The following USP42 variants were observed in gnomAD, a reference collection of about 807,000 sequenced individuals.
USP42 encodes the protein ubiquitin carboxyl-terminal hydrolase 42.
USP42 carries 23 observed loss-of-function variants against 113.0 expected under a neutral mutation model. The ratio of observed to expected loss-of-function variants is 0.20; its 90% CI spans 0.15 to 0.29. The LOEUF (loss-of-function observed/expected upper bound fraction) is 0.29. USP42 is among the 10% of genes least tolerant of loss of function. USP42 has a pLI of 1.00. For synonymous variants in USP42, 933 were observed against 699.0 expected (o/e 1.33, Z -5.28); for missense variants, 2,174 against 1,779.8 (o/e 1.22, Z -3.99).
chr7:6,107,676 T>G (rs1457300228), intron 1 of USP42, among the ~76,000 whole-genome samples: 1 of 152,184 alleles, frequency 6.6e-6, no homozygotes, highest in African/African-American at 2.4e-5. Flanking sequence ...CCCAAAGTGC[T>G]GGGATTACAG....
In USP42 at chr7:6,158,836, T is replaced by C. The variant is rs1782609860; in HGVS notation, c.3944-614T>C. 6.6e-6 allele frequency among the ~76,000 whole-genome samples: 1 copy of C among 152,080 alleles called. No individual in the cohort carries two copies. Among genetic ancestry groups the C allele is most frequent in the African/African-American group, 2.4e-5 (1 of 41,410 alleles). ...GCTCCCAGGATCATGGGCTTCCAGC[T>C]GGGGCTACTGGGAGACAGTGATGGC... On this transcript the variant is annotated intron_variant, in intron 16 of 17. Coordinates refer to ENST00000306177, the MANE Select transcript of USP42 (RefSeq NM_032172.3). This position sits in a 1 kb window ranked among gnomAD's most constrained non-coding sequence, Gnocchi z 4.2.
In USP42 at chr7:6,115,542, G is replaced by A; in HGVS notation, c.442+19G>A. The A allele has an allele frequency of 6.2e-7, 1 of 1,613,504 alleles. No individual in the cohort carries two copies. Among genetic ancestry groups the A allele is most frequent in the Middle Eastern group, 1.7e-4 (1 of 6,060 alleles). On this transcript the variant is annotated intron_variant, in intron 3 of 17. Transcript: ENST00000306177. ...AAAACATGTAAGTGTTCCGTGTTGTGTTTGTAGTATTGTAGTGCGCTAACC... is the reference window on the plus strand; with the variant it reads ...AAAACATGTAAGTGTTCCGTGTTGTATTTGTAGTATTGTAGTGCGCTAACC...
chr7:6,098,423 C>G, the USP42 span, among the ~76,000 whole-genome samples: 3 of 150,224 alleles, frequency 2.0e-5, no homozygotes, highest in African/African-American at 4.9e-5. Context: ...TGTGTATTAG[C>G]CTGGTCTTGC....
At chr7:6,129,204 G>A (rs983718922) in intron 3 of USP42, among the ~76,000 whole-genome samples, 6 of 152,136 alleles carry the variant, frequency 3.9e-5, no homozygotes, top group Admixed American at 6.6e-5. Flanking sequence ...TTTGAGGGAC[G>A]TATAGAAACA....
chr7:6,148,616 G>C (rs990857124), intron 12 of USP42, among the ~76,000 whole-genome samples: 3 of 152,176 alleles, frequency 2.0e-5, no homozygotes, highest in Middle Eastern at 3.2e-3. Flanking sequence ...ACTCCCTGTT[G>C]GTCCTGTCGG....
intron 3 of USP42, among the ~76,000 whole-genome samples, chr7:6,117,104 A>G (rs76585351): frequency 0.021 from 3,130 of 152,138 alleles, 107 homozygotes; most frequent in African/African-American, 0.071. Context: ...TGACATTTGT[A>G]TACACCCGTG....
intron 3 of USP42, among the ~76,000 whole-genome samples, chr7:6,121,877 T>G (rs1351599152): frequency 6.6e-6 from 1 of 152,126 alleles, no homozygotes; most frequent in Non-Finnish European, 1.5e-5. Flanking sequence ...CCCAGGGTAG[T>G]CTTGAACTCC....
chr7:6,099,148 C>A, the USP42 span, among the ~76,000 whole-genome samples: 1 of 148,740 alleles, frequency 6.7e-6, no homozygotes, highest in South Asian at 2.1e-4. Context: ...TGAGGAGGCT[C>A]TGCTCTCTGG....
chr7:6,116,980 T>TCCTC lies in USP42; in HGVS notation c.442+1469_442+1472dup, dbSNP rs979384454. 9.1e-6 allele frequency: 4 copies of TCCTC among 440,620 alleles called. No individual in the cohort carries two copies. In the East Asian group the frequency reaches 1.9e-4, roughly 21 times the overall value. The allele number at this position is 440,620 out of a possible 1,614,324, so 27.3% of individuals were successfully genotyped here. A position where few individuals can be genotyped will look rare whatever the true frequency, so the allele number is the denominator to read the frequency against. ...GCTACTGGTAGTTTTTGTGCTTGCT[T>TCCTC]CCTCCCTCCCTCCCTTCCTCCCTCT... On this transcript the variant is annotated intron_variant, in intron 3 of 17. Coordinates refer to ENST00000306177, the MANE Select transcript of USP42 (RefSeq NM_032172.3).
chr7:6,103,738 C>CAAAAAAAA (rs398066574), upstream of USP42, among the ~76,000 whole-genome samples: 1 of 100,916 alleles, frequency 9.9e-6, no homozygotes, highest in Non-Finnish European at 1.8e-5. Flanking sequence ...CCCGTCTCTA[C>CAAAAAAAA]AAAAAAAAAA....
intron 7 of USP42, among the ~76,000 whole-genome samples, chr7:6,141,564 A>AT (rs34431829): frequency 0.072 from 10,173 of 141,228 alleles, 793 homozygotes; most frequent in East Asian, 0.46. Context: ...GGTTATTATT[A>AT]TTTTTTTTTT....
At chr7:6,105,783 A>T (rs1447919379) in intron 1 of USP42, among the ~76,000 whole-genome samples, 2 of 152,188 alleles carry the variant, frequency 1.3e-5, no homozygotes, top group African/African-American at 4.8e-5. Context: ...AGATGTTGGA[A>T]ATGAAAATTG....
At chr7:6,089,860 T>G in the USP42 span, among the ~76,000 whole-genome samples, 2 of 150,550 alleles carry the variant, frequency 1.3e-5, no homozygotes, top group Non-Finnish European at 2.9e-5. Context: ...TACTCATCCC[T>G]CAAGTGTCTG....
At position 6,154,728 on chromosome 7, in the gene USP42, G is replaced by C. The variant is rs780390047; in HGVS notation, c.3174G>C (p.Arg1058Ser). The change falls in exon 15 of 18, where the codon AGG (arginine) becomes AGC (serine). Residue 1058 changes from arginine (R) to serine (S), a missense_variant. Coordinates refer to ENST00000306177, the MANE Select transcript of USP42 (RefSeq NM_032172.3). ...KFYPDRPRWD[R>S]CRYYHDRYAL... ...ACCCCGACAGGCCGCGCTGGGACAG[G>C]TGCCGGTACTACCATGACAGGTACG... 1.9e-6 allele frequency: 3 copies of C among 1,586,488 alleles called. No individual in the cohort carries two copies. The highest frequency in any genetic ancestry group is 2.6e-6 in the Non-Finnish European group (3 of 1,168,046).
At chr7:6,149,292 G>A (rs1288996063) in intron 12 of USP42, among the ~76,000 whole-genome samples, 1 of 152,206 alleles carries the variant, frequency 6.6e-6, no homozygotes, top group Non-Finnish European at 1.5e-5. Context: ...CATGCCACAG[G>A]TCCTGCTGAT....
intron 15 of USP42, among the ~76,000 whole-genome samples, chr7:6,156,550 A>G (rs894627820): frequency 3.3e-5 from 5 of 152,146 alleles, no homozygotes; most frequent in African/African-American, 9.7e-5. Context: ...CCTGGGCTCA[A>G]GTGATCCTCC....
At position 6,157,285 on chromosome 7, in the gene USP42, G is replaced by C; in HGVS notation, c.3943+230G>C. On this transcript the variant is annotated intron_variant, in intron 16 of 17. Transcript: ENST00000306177. This position sits in a 1 kb window ranked among gnomAD's most constrained non-coding sequence, Gnocchi z 4.1. ...GAAGGCCTAAGTGACACAGGACTGA[G>C]GGCAGCACTACCTGTGTCACCAAAG... 2 of 1,249,930 alleles carry C rather than the reference G, an allele frequency of 1.6e-6. No individual in the cohort carries two copies. Among genetic ancestry groups the C allele is most frequent in the Non-Finnish European group, 2.0e-6 (2 of 997,758 alleles). The allele number at this position is 1,249,930 out of a possible 1,614,324, so 77.4% of individuals were successfully genotyped here. A position where few individuals can be genotyped will look rare whatever the true frequency, so the allele number is the denominator to read the frequency against.
chr7:6,159,300 A>G lies in USP42; in HGVS notation c.3944-150A>G. The stretch of plus-strand genomic sequence containing the variant: ...GGGAGCAGCCGCTGAGCGCTGGGAC[A>G]TCCCTGCTCACCTCACTGGGGAGTG... On this transcript the variant is annotated intron_variant, in intron 16 of 17. Coordinates refer to ENST00000306177, the MANE Select transcript of USP42 (RefSeq NM_032172.3). The surrounding 1 kb of genome is among the most constrained non-coding windows in gnomAD (Gnocchi z 4.1). 1 of 962,952 alleles carries G rather than the reference A, an allele frequency of 1.0e-6. No homozygotes were observed. The highest frequency in any genetic ancestry group is 2.4e-5 in the East Asian group (1 of 41,214). The allele number at this position is 962,952 out of a possible 1,614,324, so 59.7% of individuals were successfully genotyped here.
the USP42 span, among the ~76,000 whole-genome samples, chr7:6,084,877 C>A: frequency 6.6e-6 from 1 of 150,410 alleles, no homozygotes; most frequent in East Asian, 2.0e-4. Flanking sequence ...TGCCATCATG[C>A]CTGGCTAATG....
Sources: gnomAD v4.1 joint callset for allele counts (sites outside exome capture counted in the v4.1 genomes callset) on GRCh38, gnomAD v4.1.1 for gene constraint, Gnocchi (gnomAD v3.1) non-coding constraint, MANE v1.5 for transcripts, NCBI Gene and HGNC (gene_info 2026-07-23, HGNC 2026-07-21) for gene names.